The following TNIK variants were observed in gnomAD, a reference collection of about 807,000 sequenced individuals.
TNIK encodes TRAF2 and NCK-interacting protein kinase.
A neutral mutation model predicts 191.3 loss-of-function variants in TNIK; 49 were observed. The observed-to-expected ratio is 0.26, with a 90% CI of 0.20 to 0.32. The LOEUF (loss-of-function observed/expected upper bound fraction) is 0.32, where lower values mean the gene tolerates loss of function less well. Ranked by LOEUF, TNIK falls within the 10% of genes least tolerant of loss-of-function variation. The pLI is 1.00. For synonymous variants in TNIK, 594 were observed against 600.9 expected, an observed-to-expected ratio of 0.99 and a Z score of 0.17; for missense variants, 1,155 against 1,702.3, an observed-to-expected ratio of 0.68 and a Z score of 5.66.
At chr3:171,090,362 T>C (rs990423223) in intron 23 of TNIK, among the ~76,000 whole-genome samples, 1 of 152,170 alleles carries the variant, frequency 6.6e-6, no homozygotes, top group African/African-American at 2.4e-5. Context: ...TTTACTCCTC[T>C]ATTTCTGATA....
intron 2 of TNIK, among the ~76,000 whole-genome samples, chr3:171,314,735 A>C (rs145446804): frequency 7.2e-5 from 11 of 152,260 alleles, no homozygotes; most frequent in African/African-American, 2.6e-4. Context: ...AATAAAACAC[A>C]ATAAAACGAT....
At chr3:171,266,545 G>A (rs752935031) in intron 2 of TNIK, among the ~76,000 whole-genome samples, 10 of 152,214 alleles carry the variant, frequency 6.6e-5, no homozygotes, top group Non-Finnish European at 1.0e-4. Flanking sequence ...CATTTGAAAC[G>A]CCTACTTAGG....
At chr3:171,349,354 C>A (rs1319620653) in intron 2 of TNIK, among the ~76,000 whole-genome samples, 1 of 152,262 alleles carries the variant, frequency 6.6e-6, no homozygotes, top group Non-Finnish European at 1.5e-5. Context: ...CTTTTACTAG[C>A]CCATGAAACA....
intron 12 of TNIK, among the ~76,000 whole-genome samples, chr3:171,152,003 G>A (rs183325183): frequency 2.0e-5 from 3 of 152,216 alleles, no homozygotes; most frequent in East Asian, 1.9e-4. Flanking sequence ...AATGGTGACC[G>A]GGCATGGTGG....
intron 1 of TNIK, among the ~76,000 whole-genome samples, chr3:171,392,409 G>A (rs1719653952): frequency 6.6e-6 from 1 of 152,170 alleles, no homozygotes; most frequent in Admixed American, 6.5e-5. Context: ...CATAATTAAT[G>A]TGTAGCACTT....
chr3:171,348,654 GTTGTT>G (rs1712648054), intron 2 of TNIK, among the ~76,000 whole-genome samples: 1 of 152,078 alleles, frequency 6.6e-6, no homozygotes, highest in African/African-American at 2.4e-5. Flanking sequence ...TTAACTTTTT[GTTGTT>G]TTATTTTTCT....
At chr3:171,321,892 A>G (rs1051624429) in intron 2 of TNIK, among the ~76,000 whole-genome samples, 3 of 152,220 alleles carry the variant, frequency 2.0e-5, no homozygotes, top group African/African-American at 7.2e-5. Flanking sequence ...TGTCAGTTCC[A>G]ATTTAACCAA....
chr3:171,354,093 G>T (rs936711442), intron 2 of TNIK, among the ~76,000 whole-genome samples: 3 of 152,012 alleles, frequency 2.0e-5, no homozygotes, highest in African/African-American at 7.2e-5. Flanking sequence ...TAACAATTTA[G>T]AAACTCACTC....
intron 2 of TNIK, among the ~76,000 whole-genome samples, chr3:171,273,927 A>G (rs900195525): frequency 2.0e-5 from 3 of 152,216 alleles, no homozygotes; most frequent in African/African-American, 7.2e-5. Flanking sequence ...GCCTGAAACA[A>G]CAATGAAGAC....
At chr3:171,215,078 T>C (rs1225817930) in intron 3 of TNIK, among the ~76,000 whole-genome samples, 1 of 152,044 alleles carries the variant, frequency 6.6e-6, no homozygotes, top group East Asian at 1.9e-4. Flanking sequence ...GCAAATCGGA[T>C]GAAGAAGCAG....
chr3:171,433,484 A>G (rs1430334162), intron 1 of TNIK, among the ~76,000 whole-genome samples: 1 of 152,202 alleles, frequency 6.6e-6, no homozygotes, highest in East Asian at 1.9e-4. Flanking sequence ...ATTACCTGAA[A>G]CAGAGTGCTT....
intron 2 of TNIK, among the ~76,000 whole-genome samples, chr3:171,239,519 C>G (rs1318376804): frequency 6.6e-6 from 1 of 152,188 alleles, no homozygotes; most frequent in East Asian, 1.9e-4. Flanking sequence ...CAAATATAGA[C>G]TCTCCACAGT....
intron 1 of TNIK, among the ~76,000 whole-genome samples, chr3:171,392,778 CAA>C (rs60306915): frequency 3.1e-5 from 3 of 95,258 alleles, no homozygotes; most frequent in Admixed American, 1.2e-4. Flanking sequence ...GATTCTGTCT[CAA>C]AAAAAAAAAA....
chr3:171,394,443 T>C (rs1719972584), intron 1 of TNIK, among the ~76,000 whole-genome samples: 1 of 152,158 alleles, frequency 6.6e-6, no homozygotes, highest in Admixed American at 6.5e-5. Context: ...CTTTATTATA[T>C]TATTACCACA....
intron 1 of TNIK, among the ~76,000 whole-genome samples, chr3:171,421,626 C>G (rs1257557198): frequency 6.6e-6 from 1 of 151,484 alleles, no homozygotes; most frequent in Non-Finnish European, 1.5e-5. Flanking sequence ...CATAAGATAA[C>G]ATATGAAGAT....
At chr3:171,295,759 G>A (rs1169430110) in intron 2 of TNIK, among the ~76,000 whole-genome samples, 1 of 152,158 alleles carries the variant, frequency 6.6e-6, no homozygotes, top group Non-Finnish European at 1.5e-5. Flanking sequence ...GACCAGGGAG[G>A]TAGCCCCATC....
intron 24 of TNIK, among the ~76,000 whole-genome samples, chr3:171,086,508 A>C (rs755875123): frequency 7.2e-5 from 11 of 152,246 alleles, no homozygotes; most frequent in Non-Finnish European, 1.3e-4. Flanking sequence ...GCATGAAATT[A>C]CAATAGGATG....
chr3:171,093,878 G>A lies in TNIK; in HGVS notation c.2682C>T (p.Ser894=), dbSNP rs16855789. ...AGGTTCCTTCTCTTGAAATACTGCC[G>A]CTGAAACTGTCCGCATGAGAGGTCT... The part of the protein sequence containing the change: ...GLETSHADSF[S]GSISREGTLM... Residue 894 remains serine (S), a synonymous_variant, in exon 23 of 33, where the codon AGC becomes AGT. Coordinates refer to ENST00000436636, the MANE Select transcript of TNIK (RefSeq NM_015028.4). The A allele has an allele frequency of 0.088, 142,299 of 1,613,282 alleles. 6,830 individuals are homozygous for A. The highest frequency in any genetic ancestry group is 0.13 in the African/African-American group (10,002 of 74,916).
Position 171,344,784 on chromosome 3 carries a change from A to G in TNIK, c.123+24836T>C, listed in dbSNP as rs73879537. 8.5e-3 allele frequency among the ~76,000 whole-genome samples: 1,294 copies of G among 152,104 alleles called. 15 individuals are homozygous for G. Among genetic ancestry groups the G allele is most frequent in the African/African-American group, 0.03 (1,236 of 41,520 alleles). ...AAACGATCCCCATTTAATTACAACA[A>G]ATTCACTAAGATGGCTTTGAATTTT... is the stretch of plus-strand genomic sequence containing the variant. On this transcript the variant is annotated intron_variant, in intron 2 of 32. Transcript: ENST00000436636.
Sources: allele counts gnomAD v4.1 joint callset (sites outside exome capture counted in the v4.1 genomes callset), GRCh38; gene constraint gnomAD v4.1.1; transcripts MANE v1.5; gene names NCBI Gene and HGNC (gene_info 2026-07-23, HGNC 2026-07-21).